Variants in TOX observed in about 807,000 individuals in gnomAD.
The protein encoded by TOX is thymocyte selection associated high mobility group box.
TOX carries 11 observed loss-of-function variants against 53.7 expected under a neutral mutation model. The ratio of observed to expected loss-of-function variants is 0.20; its 90% CI spans 0.13 to 0.34. TOX has a LOEUF of 0.34. Among genes scored for constraint, TOX ranks in the 10% least tolerant of loss-of-function variants. The probability of loss-of-function intolerance (pLI) is 1.00; values close to 1 mark genes in which losing one functional copy is unlikely to be tolerated. For missense variants in TOX, 570 were observed against 664.6 expected (o/e 0.86, Z 1.56); for synonymous variants, 225 against 245.3 (o/e 0.92, Z 0.77).
At chr8:59,108,614 C>A (rs1242699900) in intron 1 of TOX, among the ~76,000 whole-genome samples, 1 of 151,700 alleles carries the variant, frequency 6.6e-6, no homozygotes, top group African/African-American at 2.4e-5. Context: ...TCATTTTTTT[C>A]TCTTCTCTTA....
At chr8:58,966,882 T>C (rs1325336217) in intron 1 of TOX, among the ~76,000 whole-genome samples, 2 of 149,844 alleles carry the variant, frequency 1.3e-5, no homozygotes. Context: ...TCTTTTTTTT[T>C]TTTTTTTTTT....
chr8:58,982,549 G>A (rs1359372794), intron 1 of TOX, among the ~76,000 whole-genome samples: 1 of 152,130 alleles, frequency 6.6e-6, no homozygotes, highest in Non-Finnish European at 1.5e-5. Context: ...AGTCACTGAA[G>A]CTTCTAATTT....
At position 59,105,377 on chromosome 8, in the gene TOX, T is replaced by C. The variant is rs183078259; in HGVS notation, c.102+13509A>G. 3.9e-5 allele frequency among the ~76,000 whole-genome samples: 6 copies of C among 152,250 alleles called. No individual in the cohort carries two copies. In the East Asian group the frequency reaches 1.2e-3, roughly 29 times the overall value. ...GAGCACTTTTTTTTCATTTTGTAAA[T>C]AGATTTTTTCCTTGCCTAAGCTCTC... On this transcript the variant is annotated intron_variant, in intron 1 of 8. Transcript: ENST00000361421.
At chr8:58,995,787 G>C (rs1275013558) in intron 1 of TOX, among the ~76,000 whole-genome samples, 1 of 152,186 alleles carries the variant, frequency 6.6e-6, no homozygotes, top group Non-Finnish European at 1.5e-5. Context: ...GTACCTCAGT[G>C]ACTGATGTAC....
chr8:58,993,853 G>T (rs1585948762), intron 1 of TOX, among the ~76,000 whole-genome samples: 1 of 144,838 alleles, frequency 6.9e-6, no homozygotes. Context: ...GGGACCTAAG[G>T]GGAAAAGGCA....
chr8:59,027,978 C>A (rs1389138740), intron 1 of TOX, among the ~76,000 whole-genome samples: 1 of 152,098 alleles, frequency 6.6e-6, no homozygotes, highest in East Asian at 1.9e-4. Context: ...AACATCAAGT[C>A]TTACAACTCT....
intron 3 of TOX, among the ~76,000 whole-genome samples, chr8:58,865,812 T>A (rs1267393653): frequency 6.6e-6 from 1 of 150,868 alleles, no homozygotes; most frequent in African/African-American, 2.4e-5. Flanking sequence ...TTCTTAATTA[T>A]GGTAATGACA....
intron 1 of TOX, among the ~76,000 whole-genome samples, chr8:59,057,634 C>T (rs371292812): frequency 6.6e-6 from 1 of 152,160 alleles, no homozygotes. Context: ...TTTCAGTGTA[C>T]ACAAACAAAA....
Position 58,941,726 on chromosome 8 carries a change from A to G in TOX, c.169-2182T>C, listed in dbSNP as rs551069056. Among the ~76,000 whole-genome samples, 4 of 152,250 alleles carry G rather than the reference A, an allele frequency of 2.6e-5. No individual in the cohort carries two copies. In the East Asian group the frequency reaches 7.7e-4, roughly 29 times the overall value. On this transcript the variant is annotated intron_variant, in intron 2 of 8. Coordinates refer to ENST00000361421, the MANE Select transcript of TOX (RefSeq NM_014729.3). ...ACACTGCAAATGCTGAATTGTTGAC[A>G]TCTATCTTTTAAGAAGTTAATTAGT...
chr8:58,839,730 G>A (rs1810612227), intron 4 of TOX, among the ~76,000 whole-genome samples: 1 of 152,178 alleles, frequency 6.6e-6, no homozygotes, highest in Non-Finnish European at 1.5e-5. Flanking sequence ...CTATTGTGGT[G>A]GTTGTAGTTG....
At chr8:59,078,026 A>G (rs1289818246) in intron 1 of TOX, among the ~76,000 whole-genome samples, 1 of 152,174 alleles carries the variant, frequency 6.6e-6, no homozygotes, top group Non-Finnish European at 1.5e-5. Flanking sequence ...AAAAAAGGAA[A>G]TGGAGGAAAA....
intron 2 of TOX, among the ~76,000 whole-genome samples, chr8:58,950,477 T>G (rs972290369): frequency 6.6e-6 from 1 of 152,210 alleles, no homozygotes; most frequent in African/African-American, 2.4e-5. Flanking sequence ...CATGCTGATA[T>G]GCAATCCTAC....
At chr8:58,907,239 C>G (rs1230125935) in intron 3 of TOX, among the ~76,000 whole-genome samples, 3 of 152,134 alleles carry the variant, frequency 2.0e-5, no homozygotes, top group Non-Finnish European at 4.4e-5. Flanking sequence ...GGATGTACAT[C>G]AAATGTGTCT....
chr8:58,967,583 G>A (rs1416038658), intron 1 of TOX, among the ~76,000 whole-genome samples: 1 of 152,112 alleles, frequency 6.6e-6, no homozygotes, highest in Non-Finnish European at 1.5e-5. Context: ...CTTTGCACCT[G>A]GCTGGAGCTG....
intron 7 of TOX, among the ~76,000 whole-genome samples, chr8:58,810,884 T>C (rs1488150916): frequency 1.3e-5 from 2 of 151,764 alleles, no homozygotes; most frequent in African/African-American, 4.8e-5. Flanking sequence ...CCCCATCCAA[T>C]GAAAATAGTT....
chr8:58,912,798 T>C (rs1372418732), intron 3 of TOX, among the ~76,000 whole-genome samples: 4 of 152,168 alleles, frequency 2.6e-5, no homozygotes, highest in Non-Finnish European at 5.9e-5. Flanking sequence ...AACAAACACA[T>C]GCTCTCCTAT....
chr8:58,815,284 C>T lies in TOX; in HGVS notation c.1392+54G>A. 5 of 1,521,942 alleles carry T rather than the reference C, an allele frequency of 3.3e-6. No individual in the cohort carries two copies. The South Asian group carries it at 5.3e-5, about 16-fold the overall frequency. 94.3% of individuals were successfully genotyped at this position (1,521,942 alleles called of 1,614,324 possible). On this transcript the variant is annotated intron_variant, in intron 7 of 8. Coordinates refer to ENST00000361421, the MANE Select transcript of TOX (RefSeq NM_014729.3). ...GATAAACAGCTCCCCCCACCTCCAC[C>T]ACCACACTTCAGAATAGGGGTGCAC...
At chr8:58,830,538 C>G (rs1810436087) in intron 5 of TOX, among the ~76,000 whole-genome samples, 1 of 152,116 alleles carries the variant, frequency 6.6e-6, no homozygotes, top group African/African-American at 2.4e-5. Context: ...CAAACTCAAA[C>G]AGAAAAAATT....
intron 1 of TOX, among the ~76,000 whole-genome samples, chr8:59,032,907 C>A (rs187521361): frequency 3.9e-5 from 6 of 151,952 alleles, no homozygotes; most frequent in African/African-American, 1.2e-4. Context: ...TGGCAGGCAC[C>A]TGTAATCCCA....
Sources: gnomAD v4.1 joint callset for allele counts (sites outside exome capture counted in the v4.1 genomes callset) on GRCh38, gnomAD v4.1.1 for gene constraint, MANE v1.5 for transcripts, NCBI Gene and HGNC (gene_info 2026-07-23, HGNC 2026-07-21) for gene names.